The following PTPRN2 variants were observed in gnomAD, a reference collection of about 807,000 sequenced individuals.
The protein encoded by PTPRN2 is receptor-type tyrosine-protein phosphatase N2.
PTPRN2 carries 74 observed loss-of-function variants against 118.8 expected under a neutral mutation model. The observed-to-expected ratio is 0.62, with a 90% CI of 0.52 to 0.76. PTPRN2 has a LOEUF of 0.76. PTPRN2 is among the 30% of genes least tolerant of loss of function. The pLI, the probability that PTPRN2 is intolerant of heterozygous loss-of-function variation, is 0.00. For missense variants in PTPRN2, 1,481 were observed against 1,394.4 expected (o/e 1.06, Z -0.99); for synonymous variants, 641 against 608.0 (o/e 1.05, Z -0.80).
At chr7:158,177,688 T>A (rs1228334331) in intron 5 of PTPRN2, among the ~76,000 whole-genome samples, 2 of 152,234 alleles carry the variant, frequency 1.3e-5, no homozygotes, top group Non-Finnish European at 2.9e-5. Context: ...CTCACTGTGC[T>A]GTTTCATGCA....
chr7:158,337,672 C>G (rs1586356019), intron 2 of PTPRN2, among the ~76,000 whole-genome samples: 1 of 148,816 alleles, frequency 6.7e-6, no homozygotes, highest in Non-Finnish European at 1.5e-5. Context: ...TTGGTGACAC[C>G]TGCAGACGTC....
intron 9 of PTPRN2, among the ~76,000 whole-genome samples, chr7:158,127,326 T>A (rs115328450): frequency 0.016 from 2,472 of 152,130 alleles, 57 homozygotes; most frequent in African/African-American, 0.049. Flanking sequence ...CCTCCTCTGC[T>A]TGCGCCCTGC....
intron 11 of PTPRN2, among the ~76,000 whole-genome samples, chr7:158,075,652 A>G (rs889676276): frequency 6.6e-6 from 1 of 152,182 alleles, no homozygotes; most frequent in Non-Finnish European, 1.5e-5. Context: ...GTTACTCCTC[A>G]TCGTCTGTGT....
chr7:158,565,764 G>C lies in PTPRN2; in HGVS notation c.112+21794C>G, dbSNP rs754626396. 6.6e-6 allele frequency among the ~76,000 whole-genome samples: 1 copy of C among 152,158 alleles called. No homozygotes were observed. Among genetic ancestry groups the C allele is most frequent in the African/African-American group, 2.4e-5 (1 of 41,426 alleles). ...AACCCTGGAGGCAGGCACTGTTCCC[G>C]TAGTTACCCGCACGTCTAGAGACTG... is the stretch of plus-strand genomic sequence containing the variant. On this transcript the variant is annotated intron_variant, in intron 1 of 22. Transcript: ENST00000389418. This position sits in a 1 kb window ranked among gnomAD's most constrained non-coding sequence, Gnocchi z 4.6.
intron 2 of PTPRN2, among the ~76,000 whole-genome samples, chr7:158,453,929 G>T (rs1350661350): frequency 1.3e-5 from 1 of 77,002 alleles, no homozygotes; most frequent in Admixed American, 1.3e-4. Context: ...TGCTATGGAG[G>T]ACAGACAAGA....
intron 12 of PTPRN2, among the ~76,000 whole-genome samples, chr7:157,691,794 G>T (rs1797513029): frequency 6.6e-6 from 1 of 152,148 alleles, no homozygotes; most frequent in African/African-American, 2.4e-5. Flanking sequence ...CCGGCCCCTG[G>T]CGCAGTCAGG....
chr7:157,640,915 G>A (rs907992574), intron 14 of PTPRN2, among the ~76,000 whole-genome samples: 1 of 152,316 alleles, frequency 6.6e-6, no homozygotes, highest in African/African-American at 2.4e-5. Flanking sequence ...TCAGAAAAAA[G>A]GTAGTTTTAC....
chr7:157,778,492 A>G (rs145767437), intron 12 of PTPRN2, among the ~76,000 whole-genome samples: 35 of 151,432 alleles, frequency 2.3e-4, no homozygotes, highest in Non-Finnish European at 4.7e-4. Flanking sequence ...GTAAACATGT[A>G]CACGTGAATA....
chr7:158,480,179 T>C (rs1246153169), intron 2 of PTPRN2, among the ~76,000 whole-genome samples: 5 of 151,924 alleles, frequency 3.3e-5, no homozygotes. Context: ...TATGGAGGAG[T>C]CCATCGGCAC....
intron 1 of PTPRN2, among the ~76,000 whole-genome samples, chr7:158,564,854 T>C (rs143050280): frequency 0.012 from 1,764 of 152,128 alleles, 28 homozygotes; most frequent in African/African-American, 0.041. Flanking sequence ...AAATGAAGGG[T>C]CACAGACGCC....
At chr7:158,334,371 G>A (rs866535234) in intron 2 of PTPRN2, among the ~76,000 whole-genome samples, 2 of 40,314 alleles carry the variant, frequency 5.0e-5, no homozygotes, top group East Asian at 5.8e-4. Flanking sequence ...GCTGACGCCC[G>A]CAGATGTCAC....
intron 6 of PTPRN2, among the ~76,000 whole-genome samples, chr7:158,150,497 C>A (rs1351561488): frequency 6.6e-6 from 1 of 152,184 alleles, no homozygotes; most frequent in Non-Finnish European, 1.5e-5. Context: ...CACTGACCTT[C>A]ACTGCAAAGC....
At chr7:158,584,257 C>A (rs183863595) in intron 1 of PTPRN2, among the ~76,000 whole-genome samples, 2 of 152,276 alleles carry the variant, frequency 1.3e-5, no homozygotes, top group East Asian at 1.9e-4. Flanking sequence ...AACATAGGGG[C>A]CACCTGAGCA....
intron 11 of PTPRN2, among the ~76,000 whole-genome samples, chr7:158,024,189 C>A (rs1807105156): frequency 6.6e-6 from 1 of 152,176 alleles, no homozygotes; most frequent in Non-Finnish European, 1.5e-5. Context: ...CCCAGTGCAT[C>A]CCAGCAAAGC....
intron 1 of PTPRN2, among the ~76,000 whole-genome samples, chr7:158,578,763 T>TTTG (rs1026891797): frequency 1.3e-4 from 20 of 151,462 alleles, no homozygotes; most frequent in African/African-American, 4.6e-4. Context: ...TCTTTTTTTT[T>TTTG]TTGTTGTTGT....
intron 12 of PTPRN2, among the ~76,000 whole-genome samples, chr7:157,746,818 T>G (rs1045805847): frequency 6.6e-6 from 1 of 152,160 alleles, no homozygotes; most frequent in Non-Finnish European, 1.5e-5. Flanking sequence ...AGTGTGGGAA[T>G]CCGCATGTGT....
intron 2 of PTPRN2, among the ~76,000 whole-genome samples, chr7:158,451,715 G>T (rs73178254): frequency 2.0e-5 from 3 of 152,110 alleles, no homozygotes; most frequent in African/African-American, 7.2e-5. Context: ...GAATCATTGC[G>T]CATTTGGTTC....
chr7:158,530,956 A>T (rs1825182100), intron 1 of PTPRN2, among the ~76,000 whole-genome samples: 1 of 152,148 alleles, frequency 6.6e-6, no homozygotes, highest in African/African-American at 2.4e-5. Context: ...GTGTGTAAGC[A>T]TGTGTACGGA....
intron 12 of PTPRN2, among the ~76,000 whole-genome samples, chr7:157,866,652 T>C (rs554016958): frequency 6.6e-6 from 1 of 152,056 alleles, no homozygotes; most frequent in Non-Finnish European, 1.5e-5. Flanking sequence ...GCTCAGGGTC[T>C]GCACCGAGGC....
Sources: gnomAD v4.1 joint callset for allele counts (sites outside exome capture counted in the v4.1 genomes callset) on GRCh38, gnomAD v4.1.1 for gene constraint, Gnocchi (gnomAD v3.1) non-coding constraint, MANE v1.5 for transcripts, NCBI Gene and HGNC (gene_info 2026-07-23, HGNC 2026-07-21) for gene names.